Variants in TMEM40 observed in about 807,000 individuals in gnomAD.
The protein encoded by TMEM40 is transmembrane protein 40.
Under a neutral mutation model 40.8 loss-of-function variants are expected in TMEM40, and 34 were observed. That is an observed-to-expected ratio of 0.83 (90% CI 0.63 to 1.11). TMEM40 has a LOEUF of 1.11. Ranked by LOEUF, TMEM40 falls within the 50% of genes least tolerant of loss-of-function variation. The pLI, the probability that TMEM40 is intolerant of heterozygous loss-of-function variation, is 0.00. For synonymous variants in TMEM40, 106 were observed against 107.0 expected (o/e 0.99, Z 0.06); for missense variants, 296 against 280.2 (o/e 1.06, Z -0.40).
chr3:12,760,526 C>A (rs530824663), upstream of TMEM40, among the ~76,000 whole-genome samples: 344 of 151,908 alleles, frequency 2.3e-3, 1 homozygote, highest in African/African-American at 7.6e-3. Context: ...AGCCACCTGG[C>A]CCCCCGCTCA....
chr3:12,748,859 C>A lies in TMEM40; in HGVS notation c.74-67G>T, dbSNP rs1474216973. ...CTTCCCACCCCAGGGACCACCCAGT[C>A]CTCTCCAGGGTTCTACTTGGATTTG... On this transcript the variant is annotated intron_variant, in intron 2 of 11. Transcript: ENST00000314124. 4.9e-6 allele frequency: 7 copies of A among 1,436,266 alleles called. No homozygotes were observed. The East Asian group carries it at 1.6e-4, about 33-fold the overall frequency. 89.0% of individuals were successfully genotyped at this position (1,436,266 alleles called of 1,614,324 possible).
chr3:12,753,216 T>TTCTTTCTTTCTTTTC (rs2061492443), intron 1 of TMEM40, among the ~76,000 whole-genome samples: 1 of 129,328 alleles, frequency 7.7e-6, no homozygotes, highest in African/African-American at 3.0e-5. Flanking sequence ...TCTTTCTTTT[T>TTCTTTCTTTCTTTTC]TTTTTTTTTT....
At chr3:12,767,687 A>C (rs2061600388) in intron 1 of TMEM40, among the ~76,000 whole-genome samples, 1 of 152,176 alleles carries the variant, frequency 6.6e-6, no homozygotes, top group Non-Finnish European at 1.5e-5. Context: ...CAGGGGCCCC[A>C]GAAGGTGGTC....
At chr3:12,749,672 G>T in intron 2 of TMEM40, 88 bp downstream of exon 2, 1 of 1,198,564 alleles carries the variant, frequency 8.3e-7, no homozygotes, top group South Asian at 1.3e-5. Flanking sequence ...TGCAACGTGA[G>T]TTGAGCAGGG....
chr3:12,734,937 C>T, intron 11 of TMEM40, 144 bp from the exon 12 acceptor site: 2 of 836,398 alleles, frequency 2.4e-6, no homozygotes, highest in Middle Eastern at 2.2e-4. Flanking sequence ...GAACCACAGT[C>T]ATAATAGCTA....
At chr3:12,763,077 G>C (rs754602263), upstream of TMEM40, among the ~76,000 whole-genome samples, 1 of 149,864 alleles carries the variant, frequency 6.7e-6, no homozygotes, top group Non-Finnish European at 1.5e-5. Flanking sequence ...GGAGAATGGC[G>C]TGAATCCGGG....
In TMEM40 at chr3:12,743,925, T is replaced by C; in HGVS notation, c.276A>G (p.Gly92=). ...TGKHRRSLGA[G]YPHGNGSPGP... ...CGGGTGAGCCGTTCCCGTGGGGGTA[T>C]CCAGCCCCCAGGCTCCGTCGATGTT... The change falls in exon 4 of 12, where the codon GGA becomes GGG. Residue 92 remains glycine, a synonymous_variant. Coordinates refer to ENST00000314124, the MANE Select transcript of TMEM40 (RefSeq NM_018306.4). The C allele has an allele frequency of 6.2e-7, 1 of 1,613,392 alleles. No homozygotes were observed. The highest frequency in any genetic ancestry group is 8.5e-7 in the Non-Finnish European group (1 of 1,179,780).
Position 12,741,568 on chromosome 3 carries a change from C to T in TMEM40, c.355+886G>A, listed in dbSNP as rs530372278. ...GTAATTTACCAAGCACCTCCAATGT[C>T]TGGGGGAAGGAAGTAATTCATGAAT... is the stretch of plus-strand genomic sequence containing the variant. On this transcript the variant is annotated intron_variant, in intron 5 of 11. Coordinates refer to ENST00000314124, the MANE Select transcript of TMEM40 (RefSeq NM_018306.4). Among the ~76,000 whole-genome samples the T allele has an allele frequency of 4.6e-5, 7 of 152,202 alleles. No individual in the cohort carries two copies. In the East Asian group the frequency reaches 1.3e-3, roughly 29 times the overall value.
Position 12,738,141 on chromosome 3 carries a change from G to A in TMEM40, c.419C>T (p.Ala140Val), listed in dbSNP as rs1354302728. The A allele has an allele frequency of 2.5e-6, 4 of 1,613,954 alleles. No individual in the cohort carries two copies. Among genetic ancestry groups the A allele is most frequent in the South Asian group, 1.1e-5 (1 of 90,998 alleles). The stretch of plus-strand genomic sequence containing the variant: ...ATTTGAGCTTGTGTATTTACCACTT[G>A]CTGGGTCAGAGCCTCTCCTTCGGAG... Reference protein sequence around the residue: ...SGLRRRGSDPASGEVEASQLR... With the variant: ...SGLRRRGSDPVSGEVEASQLR... The change falls in exon 7 of 12, where the codon GCA becomes GTA. Residue 140 changes from alanine (A) to valine (V), a missense_variant. Coordinates refer to ENST00000314124, the MANE Select transcript of TMEM40 (RefSeq NM_018306.4).
At chr3:12,739,638 C>T (rs2061366235) in intron 5 of TMEM40, among the ~76,000 whole-genome samples, 1 of 151,234 alleles carries the variant, frequency 6.6e-6, no homozygotes, top group African/African-American at 2.4e-5. Context: ...CCAGGCTGGT[C>T]TTGAACTCCT....
chr3:12,737,986 C>G, intron 7 of TMEM40, 150 bp downstream of exon 7: 1 of 1,103,658 alleles, frequency 9.1e-7, no homozygotes. Flanking sequence ...TTCCCCTGCA[C>G]TGGAGATCCC....
chr3:12,733,660 A>G lies in TMEM40; in HGVS notation c.*1114T>C, dbSNP rs1353852173. ...GAAGTTACCCTTCTGAGTTTTGAGA[A>G]CAGCATGTCTGTGACCATCAAGAAC... is the stretch of plus-strand genomic sequence containing the variant. On this transcript the variant is annotated 3_prime_UTR_variant, in exon 12 of 12. Transcript: ENST00000314124. 1 of 152,168 alleles carries G rather than the reference A, an allele frequency of 6.6e-6. No individual in the cohort carries two copies. The highest frequency in any genetic ancestry group is 1.5e-5 in the Non-Finnish European group (1 of 68,026). The allele number at this position is 152,168 out of a possible 1,614,324, so 9.4% of individuals were successfully genotyped here. A position where few individuals can be genotyped will look rare whatever the true frequency, so the allele number is the denominator to read the frequency against.
rs2106602915 is a variant in TMEM40, at chr3:12,734,398, G to A, written c.*376C>T. Reference sequence around the variant, plus strand: ...TCGGTAGCACCTGAGAGCGCATGCAGATAGCCTGGGATTTGAGAAAAACCA... The same window carrying A: ...TCGGTAGCACCTGAGAGCGCATGCAAATAGCCTGGGATTTGAGAAAAACCA... On this transcript the variant is annotated 3_prime_UTR_variant, in exon 12 of 12. Coordinates refer to ENST00000314124, the MANE Select transcript of TMEM40 (RefSeq NM_018306.4). 9.2e-6 allele frequency: 2 copies of A among 216,828 alleles called. No homozygotes were observed. The highest frequency in any genetic ancestry group is 1.4e-4 in the South Asian group (1 of 7,298). The allele number at this position is 216,828 out of a possible 1,614,324, so 13.4% of individuals were successfully genotyped here.
intron 1 of TMEM40, 62 bp from the exon 2 acceptor site, chr3:12,749,902 A>G (rs1575739418): frequency 1.4e-6 from 2 of 1,425,246 alleles, no homozygotes; most frequent in East Asian, 4.6e-5. Context: ...ATATACAAAG[A>G]GCTTGGCAAA....
At position 12,736,114 on chromosome 3, in the gene TMEM40, G is replaced by C. The variant is rs113000516; in HGVS notation, c.619+464C>G. ...TTGCCAGTGACCTTACATTGACCTTGAAAGTGGTGAGGAAGAAAACATGAG... is the reference window on the plus strand; with the variant it reads ...TTGCCAGTGACCTTACATTGACCTTCAAAGTGGTGAGGAAGAAAACATGAG... On this transcript the variant is annotated intron_variant, in intron 10 of 11. Coordinates refer to ENST00000314124, the MANE Select transcript of TMEM40 (RefSeq NM_018306.4). Among the ~76,000 whole-genome samples the C allele has an allele frequency of 5.7e-3, 856 of 150,900 alleles. 3 individuals carry two copies. The highest frequency in any genetic ancestry group is 0.019 in the African/African-American group (791 of 40,964).
chr3:12,751,665 A>G (rs1385051157), intron 1 of TMEM40, among the ~76,000 whole-genome samples: 1 of 152,094 alleles, frequency 6.6e-6, no homozygotes, highest in African/African-American at 2.4e-5. Context: ...ATGCATCGAT[A>G]TCGAGATGGA....
intron 1 of TMEM40, among the ~76,000 whole-genome samples, chr3:12,768,227 A>G (rs2061603438): frequency 6.6e-6 from 1 of 152,172 alleles, no homozygotes; most frequent in South Asian, 2.1e-4. Flanking sequence ...TGCTGGCCTC[A>G]GAAGTGAGCC....
rs1473646979 is a variant in TMEM40, at chr3:12,742,473, A to T, written c.336T>A (p.Asp112Glu). 2 of 1,613,986 alleles carry T rather than the reference A, an allele frequency of 1.2e-6. No homozygotes were observed. Among genetic ancestry groups the T allele is most frequent in the South Asian group, 1.1e-5 (1 of 91,052 alleles). The change falls in exon 5 of 12, where the codon GAT (aspartate) becomes GAA (glutamate). Residue 112 changes from aspartate (D) to glutamate (E), a missense_variant. Physicochemically the swap from Asp to Glu is conservative, Grantham distance 45. Coordinates refer to ENST00000314124, the MANE Select transcript of TMEM40 (RefSeq NM_018306.4). Reference sequence around the variant, plus strand: ...GATTACCTCCATAGAGTTGAAGCTCATCCTTCAAAACGTCAGGCTCCCCAT... The same window carrying T: ...GATTACCTCCATAGAGTTGAAGCTCTTCCTTCAAAACGTCAGGCTCCCCAT... ...PGHGEPDVLKDELQLYGDAPG... is the reference protein window; with the variant it reads ...PGHGEPDVLKEELQLYGDAPG...
At position 12,742,496 on chromosome 3, in the gene TMEM40, C is replaced by T. The variant is rs757813828; in HGVS notation, c.313G>A (p.Gly105Arg). 3 of 1,614,024 alleles carry T rather than the reference C, an allele frequency of 1.9e-6. No homozygotes were observed. Among genetic ancestry groups the T allele is most frequent in the South Asian group, 2.2e-5 (2 of 91,064 alleles). ...TCATCCTTCAAAACGTCAGGCTCCC[C>T]ATGCCCAGGACCTGGATGGAGACAA... ...HGNGSPGPGHGEPDVLKDELQ... is the reference protein window; with the variant it reads ...HGNGSPGPGHREPDVLKDELQ... Residue 105 changes from glycine (G) to arginine (R), a missense_variant, in exon 5 of 12, where the codon GGG becomes AGG. Coordinates refer to ENST00000314124, the MANE Select transcript of TMEM40 (RefSeq NM_018306.4).
Sources: allele counts gnomAD v4.1 joint callset (sites outside exome capture counted in the v4.1 genomes callset), GRCh38; gene constraint gnomAD v4.1.1; transcripts MANE v1.5; gene names NCBI Gene and HGNC (gene_info 2026-07-23, HGNC 2026-07-21).